Variants in TUFT1 observed in about 807,000 individuals in gnomAD.
TUFT1 encodes tuftelin 1.
In TUFT1, 43 loss-of-function variants were observed where a neutral mutation model predicts 57.8. That is an observed-to-expected ratio of 0.74 (90% CI 0.58 to 0.96). The LOEUF is 0.96. Ranked by LOEUF, TUFT1 falls within the 40% of genes least tolerant of loss-of-function variation. TUFT1 has a pLI of 0.00. For synonymous variants in TUFT1, 166 were observed against 176.7 expected (o/e 0.94, Z 0.48); for missense variants, 459 against 489.0 (o/e 0.94, Z 0.58).
intron 12 of TUFT1, among the ~76,000 whole-genome samples, chr1:151,581,261 T>A (rs933313265): frequency 6.6e-6 from 1 of 152,132 alleles, no homozygotes; most frequent in Admixed American, 6.5e-5. Context: ...CTTCTAGAGA[T>A]GTATGAACCA....
At chr1:151,569,152 A>G (rs1332821785) in intron 6 of TUFT1, among the ~76,000 whole-genome samples, 1 of 152,180 alleles carries the variant, frequency 6.6e-6, no homozygotes, top group African/African-American at 2.4e-5. Flanking sequence ...AAACCTGTCC[A>G]TCCATCAGTA....
chr1:151,553,242 A>T (rs1018828906), intron 1 of TUFT1, among the ~76,000 whole-genome samples: 15 of 152,134 alleles, frequency 9.9e-5, no homozygotes, highest in Non-Finnish European at 2.1e-4. Context: ...CAGGCACCTG[A>T]CACCACGCCT....
chr1:151,571,649 A>C (rs1460765043), intron 7 of TUFT1, among the ~76,000 whole-genome samples: 1 of 152,168 alleles, frequency 6.6e-6, no homozygotes, highest in Non-Finnish European at 1.5e-5. Flanking sequence ...CAAAACAGGA[A>C]GAAAGGAAGG....
At chr1:151,544,064 C>A (rs572159763) in intron 1 of TUFT1, among the ~76,000 whole-genome samples, 18 of 151,292 alleles carry the variant, frequency 1.2e-4, no homozygotes, top group African/African-American at 4.4e-4. Context: ...CTCACTGCAG[C>A]CTTGAACTCC....
At position 151,547,710 on chromosome 1, in the gene TUFT1, T is replaced by C. The variant is rs554586528; in HGVS notation, c.60+7284T>C. On this transcript the variant is annotated intron_variant, in intron 1 of 12. Transcript: ENST00000368849. ...TGATGCAGAGGGGGCACTGAGGAAC[T>C]TGCCCTTTCATTCCAGGTTTGCTGG... is the stretch of plus-strand genomic sequence containing the variant. Among the ~76,000 whole-genome samples, 3 of 152,336 alleles carry C rather than the reference T, an allele frequency of 2.0e-5. No homozygotes were observed. The South Asian group carries it at 6.2e-4, about 32-fold the overall frequency.
At chr1:151,549,032 G>T (rs951604447) in intron 1 of TUFT1, among the ~76,000 whole-genome samples, 2 of 152,120 alleles carry the variant, frequency 1.3e-5, no homozygotes, top group Non-Finnish European at 2.9e-5. Flanking sequence ...AGTGAGTCAG[G>T]GTTGGAGATT....
chr1:151,557,778 C>T (rs942539019), intron 1 of TUFT1: 11 of 764,192 alleles, frequency 1.4e-5, no homozygotes, highest in East Asian at 7.3e-5. Context: ...GAAGGGTGAG[C>T]GACCTGCAAG....
chr1:151,575,397 T>C (rs1231188912), intron 9 of TUFT1, among the ~76,000 whole-genome samples: 1 of 151,988 alleles, frequency 6.6e-6, no homozygotes, highest in Non-Finnish European at 1.5e-5. Context: ...GAGGGTAAAA[T>C]TGATTAACAG....
In TUFT1 at chr1:151,578,784, G is replaced by C; in HGVS notation, c.882G>C (p.Met294Ile). The C allele has an allele frequency of 6.3e-7, 1 of 1,584,492 alleles. No individual in the cohort carries two copies. The highest frequency in any genetic ancestry group is 8.6e-7 in the Non-Finnish European group (1 of 1,164,080). ...LREKIHHLDD[M>I]LKSQQRKVRQ... ...AGAAGATCCACCACTTGGATGACAT[G>C]CTCAAGAGCCAGCAGCGGAAAGTCC... The change falls in exon 10 of 13, where the codon ATG becomes ATC. Residue 294 changes from methionine (M) to isoleucine (I), a missense_variant. Transcript: ENST00000368849.
At chr1:151,572,839 G>T (rs1440062645) in intron 7 of TUFT1, among the ~76,000 whole-genome samples, 3 of 152,192 alleles carry the variant, frequency 2.0e-5, no homozygotes, top group East Asian at 3.9e-4. Context: ...CTCCTCCCCA[G>T]TTCTGACCTT....
intron 12 of TUFT1, 27 bp from the exon 13 acceptor site, chr1:151,581,617 A>T (rs142501154): frequency 2.5e-6 from 4 of 1,612,868 alleles, no homozygotes; most frequent in Non-Finnish European, 3.4e-6. Flanking sequence ...TCCCAGCACA[A>T]CTCAGTGTTT....
At chr1:151,579,922 CAAT>C (rs1369210325) in intron 11 of TUFT1, among the ~76,000 whole-genome samples, 190 bp downstream of exon 11, 48 of 152,290 alleles carry the variant, frequency 3.2e-4, no homozygotes, top group Admixed American at 1.2e-3. Flanking sequence ...AAGCTGCTAA[CAAT>C]GATGAGATGA....
intron 1 of TUFT1, among the ~76,000 whole-genome samples, chr1:151,557,080 C>T (rs1287326351): frequency 6.6e-6 from 1 of 152,022 alleles, no homozygotes; most frequent in Non-Finnish European, 1.5e-5. Flanking sequence ...TAACTGAACA[C>T]TTTTTAGGAT....
At position 151,563,886 on chromosome 1, in the gene TUFT1, A is replaced by G; in HGVS notation, c.238-18A>G. ...ATTTAATTTGAGGTTTCTTAACTAA[A>G]TGGTGTTCTTATTTCAGGTGTACTT... On this transcript the variant is annotated intron_variant, in intron 3 of 12. Transcript: ENST00000368849. The G allele has an allele frequency of 6.2e-7, 1 of 1,608,122 alleles. No individual in the cohort carries two copies. Among genetic ancestry groups the G allele is most frequent in the Non-Finnish European group, 8.5e-7 (1 of 1,174,560 alleles).
At position 151,544,590 on chromosome 1, in the gene TUFT1, C is replaced by G. The variant is rs145618597; in HGVS notation, c.60+4164C>G. Among the ~76,000 whole-genome samples the G allele has an allele frequency of 3.5e-3, 536 of 152,124 alleles. 2 individuals carry two copies. Among genetic ancestry groups the G allele is most frequent in the African/African-American group, 0.013 (522 of 41,512 alleles). ...GGGATTACAGGCGTGAGCCACCGTGCCTGGCCTCTTAAATCACTTTTTATC... is the reference window on the plus strand; with the variant it reads ...GGGATTACAGGCGTGAGCCACCGTGGCTGGCCTCTTAAATCACTTTTTATC... On this transcript the variant is annotated intron_variant, in intron 1 of 12. Transcript: ENST00000368849.
At chr1:151,576,719 G>A (rs1282454555) in intron 9 of TUFT1, among the ~76,000 whole-genome samples, 2 of 152,098 alleles carry the variant, frequency 1.3e-5, no homozygotes, top group South Asian at 4.1e-4. Context: ...TGCAACCTCC[G>A]CCTCCTGGGT....
At position 151,540,385 on chromosome 1, in the gene TUFT1, T is replaced by A. The variant is rs1278106622; in HGVS notation, c.19T>A (p.Trp7Arg). The A allele has an allele frequency of 6.2e-7, 1 of 1,614,172 alleles. No homozygotes were observed. Among genetic ancestry groups the A allele is most frequent in the Non-Finnish European group, 8.5e-7 (1 of 1,179,994 alleles). ...AGGGAAGATGAACGGGACGCGGAAC[T>A]GGTGTACCCTGGTGGACGTGCACCC... MNGTRN[W>R]CTLVDVHPED... The change falls in exon 1 of 13, where the codon TGG (tryptophan) becomes AGG (arginine). Residue 7 changes from tryptophan to arginine, a missense_variant. By Grantham distance (101) the Trp-to-Arg change is moderately radical. Coordinates refer to ENST00000368849, the MANE Select transcript of TUFT1 (RefSeq NM_020127.3).
chr1:151,562,544 A>ATCTCTCCCTC, intron 2 of TUFT1, 41 bp from the exon 3 acceptor site: 1 of 1,397,390 alleles, frequency 7.2e-7, no homozygotes, highest in African/African-American at 1.4e-5. Flanking sequence ...TGTCTGAGCC[A>ATCTCTCCCTC]TCTCTCTCTC....
intron 9 of TUFT1, among the ~76,000 whole-genome samples, chr1:151,577,010 G>C (rs1184751377): frequency 6.6e-6 from 1 of 152,148 alleles, no homozygotes; most frequent in African/African-American, 2.4e-5. Context: ...CTGGGCTCAA[G>C]CAATCCTCCC....
Sources: allele counts gnomAD v4.1 joint callset (sites outside exome capture counted in the v4.1 genomes callset), GRCh38; gene constraint gnomAD v4.1.1; transcripts MANE v1.5; gene names NCBI Gene and HGNC (gene_info 2026-07-23, HGNC 2026-07-21).